The following CDC25A variants were observed in gnomAD, a reference collection of about 807,000 sequenced individuals.
CDC25A encodes cell division cycle 25A.
CDC25A carries 17 observed loss-of-function variants against 64.6 expected under a neutral mutation model. The observed-to-expected ratio is 0.26, with a 90% CI of 0.18 to 0.39. CDC25A has a LOEUF of 0.39. CDC25A is among the 10% of genes least tolerant of loss of function. The pLI is 1.00. For synonymous variants in CDC25A, 229 were observed against 238.6 expected, an observed-to-expected ratio of 0.96 and a Z score of 0.37; for missense variants, 473 against 654.8, an observed-to-expected ratio of 0.72 and a Z score of 3.03.
At chr3:48,162,756 G>A (rs965338237) in intron 13 of CDC25A, among the ~76,000 whole-genome samples, 1 of 152,026 alleles carries the variant, frequency 6.6e-6, no homozygotes, top group African/African-American at 2.4e-5. Context: ...GCTGAGGCAG[G>A]AGAATGGCAT....
At chr3:48,162,293 TGTGTGAGA>T (rs1196087381) in intron 13 of CDC25A, among the ~76,000 whole-genome samples, 1 of 151,136 alleles carries the variant, frequency 6.6e-6, no homozygotes, top group African/African-American at 2.5e-5. Context: ...TGTGTGTGTG[TGTGTGAGA>T]GAGAGACAGA....
Position 48,165,911 on chromosome 3 carries a change from A to T in CDC25A, c.1030-18T>A. On this transcript the variant is annotated intron_variant, in intron 10 of 14. Coordinates refer to ENST00000302506, the MANE Select transcript of CDC25A (RefSeq NM_001789.3). ...AGATAACCCTTAAAAAGAAAAAAAG[A>T]TACTTAGAGAATCTGAAAGCCTATA... 6.8e-7 allele frequency: 1 copy of T among 1,470,568 alleles called. No individual in the cohort carries two copies. Among genetic ancestry groups the T allele is most frequent in the Non-Finnish European group, 9.5e-7 (1 of 1,050,450 alleles). The allele number at this position is 1,470,568 out of a possible 1,614,324, so 91.1% of individuals were successfully genotyped here.
At chr3:48,166,342 T>C (rs1327619058) in intron 10 of CDC25A, among the ~76,000 whole-genome samples, 1 of 152,178 alleles carries the variant, frequency 6.6e-6, no homozygotes. Context: ...GTTACTCTTC[T>C]AGTTACTTCA....
chr3:48,164,633 G>A (rs1299309804), intron 12 of CDC25A, among the ~76,000 whole-genome samples, 196 bp from the exon 13 acceptor site: 1 of 152,008 alleles, frequency 6.6e-6, no homozygotes, highest in Non-Finnish European at 1.5e-5. Flanking sequence ...GTCCGTACAC[G>A]TTCATCATAC....
chr3:48,166,945 T>C (rs1264579944), intron 10 of CDC25A, among the ~76,000 whole-genome samples: 2 of 152,198 alleles, frequency 1.3e-5, no homozygotes, highest in East Asian at 1.9e-4. Context: ...GTTCCAAAAC[T>C]GAGGATACAG....
chr3:48,179,071 G>A lies in CDC25A; in HGVS notation c.550-1083C>T, dbSNP rs115138491. On this transcript the variant is annotated intron_variant, in intron 6 of 14. Transcript: ENST00000302506. Reference sequence around the variant, plus strand: ...GATCATGCACCAAGGAATCCTCTCTGCAGCTGGCCTATTCTGGTTCTGGCA... The same window carrying A: ...GATCATGCACCAAGGAATCCTCTCTACAGCTGGCCTATTCTGGTTCTGGCA... Among the ~76,000 whole-genome samples the A allele has an allele frequency of 1.5e-3, 224 of 152,244 alleles. 3 individuals are homozygous for A. Among genetic ancestry groups the A allele is most frequent in the African/African-American group, 5.2e-3 (218 of 41,536 alleles).
chr3:48,180,918 T>C, intron 5 of CDC25A, 78 bp from the exon 6 acceptor site: 1 of 1,404,874 alleles, frequency 7.1e-7, no homozygotes, highest in Non-Finnish European at 1.0e-6. Flanking sequence ...GGCAAGAAAG[T>C]GGGCACTGAT....
chr3:48,168,788 G>A (rs937976816), intron 9 of CDC25A, among the ~76,000 whole-genome samples: 7 of 152,040 alleles, frequency 4.6e-5, no homozygotes, highest in Admixed American at 1.3e-4. Flanking sequence ...GAGCAGCTGA[G>A]ACTATAGGTG....
chr3:48,166,142 G>A (rs939811749), intron 10 of CDC25A, among the ~76,000 whole-genome samples: 5 of 152,042 alleles, frequency 3.3e-5, no homozygotes, highest in South Asian at 2.1e-4. Flanking sequence ...AAAATTAGCC[G>A]GGCGTTAGCA....
chr3:48,166,215 G>A (rs1248655885), intron 10 of CDC25A, among the ~76,000 whole-genome samples: 3 of 152,040 alleles, frequency 2.0e-5, no homozygotes, highest in African/African-American at 4.8e-5. Context: ...TCCAGGAGGC[G>A]GAGGTTGCAG....
At chr3:48,177,317 T>C (rs951027610) in intron 8 of CDC25A, 54 bp downstream of exon 8, 2 of 1,330,654 alleles carry the variant, frequency 1.5e-6, no homozygotes, top group African/African-American at 2.9e-5. Flanking sequence ...AGGACTACTC[T>C]GTCCAGTGCC....
chr3:48,171,413 C>T (rs1479311098), intron 9 of CDC25A, among the ~76,000 whole-genome samples: 1 of 147,062 alleles, frequency 6.8e-6, no homozygotes, highest in Non-Finnish European at 1.5e-5. Context: ...TGAAATCTCA[C>T]TCTATCACCC....
At chr3:48,183,326 C>T (rs183163855) in intron 4 of CDC25A, among the ~76,000 whole-genome samples, 11 of 152,314 alleles carry the variant, frequency 7.2e-5, no homozygotes, top group Non-Finnish European at 1.2e-4. Flanking sequence ...ATCAAAAGAA[C>T]CCTTCCTGGT....
At chr3:48,177,653 T>G (rs891109573) in intron 7 of CDC25A, among the ~76,000 whole-genome samples, 3 of 152,158 alleles carry the variant, frequency 2.0e-5, no homozygotes, top group Non-Finnish European at 4.4e-5. Context: ...GTGTCTTCTT[T>G]TGATGCCCCC....
At chr3:48,181,672 G>C in intron 5 of CDC25A, 2 of 1,076,646 alleles carry the variant, frequency 1.9e-6, no homozygotes, top group South Asian at 1.2e-5. Context: ...TCCGGAACAA[G>C]AGCATGTTAT....
chr3:48,161,614 T>C (rs1408596452), intron 13 of CDC25A, among the ~76,000 whole-genome samples: 2 of 151,278 alleles, frequency 1.3e-5, no homozygotes, highest in Non-Finnish European at 2.9e-5. Flanking sequence ...GAGGCTGAGG[T>C]GGGAGAATCA....
At chr3:48,176,867 A>T (rs1384032925) in intron 8 of CDC25A, among the ~76,000 whole-genome samples, 2 of 151,700 alleles carry the variant, frequency 1.3e-5, no homozygotes, top group African/African-American at 4.8e-5. Context: ...GCTACTCGGG[A>T]GGCTGAGGCA....
At chr3:48,174,236 A>C (rs1559960755) in intron 9 of CDC25A, 48 bp downstream of exon 9, 3 of 1,517,264 alleles carry the variant, frequency 2.0e-6, no homozygotes, top group Non-Finnish European at 2.7e-6. Flanking sequence ...TTTAGAACTG[A>C]AAAATACAGT....
intron 5 of CDC25A, among the ~76,000 whole-genome samples, chr3:48,182,061 A>G (rs1053091587): frequency 6.6e-6 from 1 of 152,198 alleles, no homozygotes; most frequent in Non-Finnish European, 1.5e-5. Context: ...CTGAGAAGCT[A>G]TTTCGGGGGA....
Sources: gnomAD v4.1 joint callset for allele counts (sites outside exome capture counted in the v4.1 genomes callset) on GRCh38, gnomAD v4.1.1 for gene constraint, MANE v1.5 for transcripts, NCBI Gene and HGNC (gene_info 2026-07-23, HGNC 2026-07-21) for gene names.